The following CNTNAP2 variants were observed in gnomAD, a reference collection of about 807,000 sequenced individuals.
CNTNAP2 encodes the protein contactin associated protein 2.
CNTNAP2 carries 98 observed loss-of-function variants against 155.2 expected under a neutral mutation model. The ratio of observed to expected loss-of-function variants is 0.63; its 90% confidence interval spans 0.54 to 0.75. The LOEUF is 0.75. Among genes scored for constraint, CNTNAP2 ranks in the 30% least tolerant of loss-of-function variants. The pLI is 0.00. For synonymous variants in CNTNAP2, 651 were observed against 631.2 expected, an observed-to-expected ratio of 1.03 and a Z score of -0.47; for missense variants, 1,727 against 1,688.1, an observed-to-expected ratio of 1.02 and a Z score of -0.40.
chr7:146,893,188 C>G (rs766111801), intron 3 of CNTNAP2, among the ~76,000 whole-genome samples: 39 of 151,936 alleles, frequency 2.6e-4, no homozygotes, highest in Non-Finnish European at 5.3e-4. Flanking sequence ...TACCTAAAAC[C>G]AGTATATAAT....
chr7:148,413,465 G>A lies in CNTNAP2; in HGVS notation c.3797-1952G>A, dbSNP rs545311330. On this transcript the variant is annotated intron_variant, in intron 23 of 23. Coordinates refer to ENST00000361727, the MANE Select transcript of CNTNAP2 (RefSeq NM_014141.6). ...ATATATATTGCTCCATAGTTTTCTT[G>A]TAACATTTTTCTGGTTTTAGTGTCA... Among the ~76,000 whole-genome samples, 864 of 116,194 alleles carry A rather than the reference G, an allele frequency of 7.4e-3. 46 individuals carry two copies. The highest frequency in any genetic ancestry group is 0.011 in the Non-Finnish European group (640 of 56,278). The allele number at this position is 116,194 out of a possible 152,430, so 76.2% of individuals were successfully genotyped here.
intron 1 of CNTNAP2, among the ~76,000 whole-genome samples, chr7:146,763,261 A>T (rs1802135962): frequency 6.6e-6 from 1 of 152,142 alleles, no homozygotes; most frequent in African/African-American, 2.4e-5. Flanking sequence ...TGCTAGAATT[A>T]CTACTCCACA....
intron 13 of CNTNAP2, among the ~76,000 whole-genome samples, chr7:147,785,619 G>C (rs1584954093): frequency 6.6e-6 from 1 of 152,182 alleles, no homozygotes; most frequent in African/African-American, 2.4e-5. Flanking sequence ...GGAAAAAAGT[G>C]TAATAACAAT....
chr7:148,021,496 C>G (rs1181663856), intron 15 of CNTNAP2, among the ~76,000 whole-genome samples: 7 of 152,128 alleles, frequency 4.6e-5, no homozygotes, highest in African/African-American at 1.7e-4. Context: ...ACGCTGAATC[C>G]TAAAAGATGA....
chr7:147,520,445 C>T (rs1799211928), intron 11 of CNTNAP2, among the ~76,000 whole-genome samples: 1 of 152,162 alleles, frequency 6.6e-6, no homozygotes, highest in South Asian at 2.1e-4. Context: ...TTCAAGGAAG[C>T]TCTAACAACT....
At chr7:147,107,806 CTGTT>C (rs764310710) in intron 4 of CNTNAP2, among the ~76,000 whole-genome samples, 135 of 152,068 alleles carry the variant, frequency 8.9e-4, no homozygotes, top group African/African-American at 2.8e-3. Context: ...GTCTCATAAT[CTGTT>C]TGAGATTTAA....
At chr7:146,441,257 A>G (rs534872070) in intron 1 of CNTNAP2, among the ~76,000 whole-genome samples, 2 of 151,560 alleles carry the variant, frequency 1.3e-5, no homozygotes, top group African/African-American at 4.9e-5. Context: ...AGACAACTTA[A>G]TATCTTTCTT....
At chr7:146,924,558 C>T (rs941877111) in intron 3 of CNTNAP2, among the ~76,000 whole-genome samples, 2 of 152,032 alleles carry the variant, frequency 1.3e-5, no homozygotes, top group Admixed American at 1.3e-4. Flanking sequence ...GATGTCATCA[C>T]ACTTGTCTTG....
At chr7:147,684,819 A>G (rs1349966528) in intron 13 of CNTNAP2, among the ~76,000 whole-genome samples, 1 of 151,984 alleles carries the variant, frequency 6.6e-6, no homozygotes, top group African/African-American at 2.4e-5. Flanking sequence ...GAAAAAATAT[A>G]GCTTAGTTAG....
chr7:148,050,747 A>G (rs755239381), intron 15 of CNTNAP2, among the ~76,000 whole-genome samples: 36 of 152,218 alleles, frequency 2.4e-4, no homozygotes, highest in Non-Finnish European at 4.0e-4. Context: ...TAAGTGCCCT[A>G]TACAGGTGTG....
chr7:147,686,757 A>G (rs150172295), intron 13 of CNTNAP2, among the ~76,000 whole-genome samples: 2 of 152,104 alleles, frequency 1.3e-5, no homozygotes, highest in East Asian at 1.9e-4. Flanking sequence ...TGCAAATGTA[A>G]TATACTTGAA....
chr7:146,536,152 T>A (rs1401553348), intron 1 of CNTNAP2, among the ~76,000 whole-genome samples: 1 of 152,080 alleles, frequency 6.6e-6, no homozygotes, highest in African/African-American at 2.4e-5. Flanking sequence ...TGGTAGATTG[T>A]TATTTTTGAA....
chr7:146,788,957 T>C (rs966004525), intron 2 of CNTNAP2, among the ~76,000 whole-genome samples: 1 of 152,172 alleles, frequency 6.6e-6, no homozygotes, highest in African/African-American at 2.4e-5. Context: ...ACATGTCCTG[T>C]GTATCAAGTA....
chr7:147,350,997 G>C (rs1269377154), intron 9 of CNTNAP2, among the ~76,000 whole-genome samples: 1 of 151,610 alleles, frequency 6.6e-6, no homozygotes, highest in East Asian at 1.9e-4. Context: ...TTTTCTTACA[G>C]AAAGGAATGA....
intron 1 of CNTNAP2, among the ~76,000 whole-genome samples, chr7:146,197,492 A>T (rs1798793953): frequency 6.6e-6 from 1 of 152,168 alleles, no homozygotes; most frequent in Admixed American, 6.5e-5. Flanking sequence ...CAGCAGCTAT[A>T]CCTTTAAAAG....
chr7:146,618,629 T>C (rs1465262507), intron 1 of CNTNAP2, among the ~76,000 whole-genome samples: 1 of 152,196 alleles, frequency 6.6e-6, no homozygotes, highest in Non-Finnish European at 1.5e-5. Context: ...GCATATTTGT[T>C]TTAAATTATA....
At chr7:146,952,586 G>C (rs373156668) in intron 3 of CNTNAP2, among the ~76,000 whole-genome samples, 9 of 152,132 alleles carry the variant, frequency 5.9e-5, no homozygotes, top group African/African-American at 2.2e-4. Flanking sequence ...GAAGTCTCAG[G>C]ATATAAAATC....
chr7:147,374,523 T>C (rs1001223371), intron 9 of CNTNAP2, among the ~76,000 whole-genome samples: 1 of 152,118 alleles, frequency 6.6e-6, no homozygotes, highest in Non-Finnish European at 1.5e-5. Flanking sequence ...GGTTACATAG[T>C]CTAGGTTATC....
At chr7:148,301,306 A>AATATATATATATATATATATATATATAT (rs1554414673) in intron 21 of CNTNAP2, among the ~76,000 whole-genome samples, 17 of 103,838 alleles carry the variant, frequency 1.6e-4, no homozygotes, top group Non-Finnish European at 1.3e-4. Context: ...AAAAAAAAAA[A>AATATATATATATATATATATATATATAT]ATATATATAT....
Sources: allele counts gnomAD v4.1 joint callset (sites outside exome capture counted in the v4.1 genomes callset), GRCh38; gene constraint gnomAD v4.1.1; transcripts MANE v1.5; gene names NCBI Gene and HGNC (gene_info 2026-07-23, HGNC 2026-07-21).